Variants in ITGA9 observed in about 807,000 individuals in gnomAD.
ITGA9 encodes integrin alpha-9.
In ITGA9, 56 loss-of-function variants were observed where a neutral mutation model predicts 127.8. The observed-to-expected ratio is 0.44, with a 90% confidence interval of 0.35 to 0.55. ITGA9 has a LOEUF of 0.55. ITGA9 is among the 20% of genes least tolerant of loss of function. The pLI is 0.00. For synonymous variants in ITGA9, 508 were observed against 514.5 expected (o/e 0.99, Z 0.17); for missense variants, 1,196 against 1,347.1 (o/e 0.89, Z 1.76).
chr3:37,485,995 G>T (rs771469434), intron 4 of ITGA9, among the ~76,000 whole-genome samples: 1 of 152,194 alleles, frequency 6.6e-6, no homozygotes, highest in Non-Finnish European at 1.5e-5. Context: ...GTAAATTAAA[G>T]GGCAAGCACT....
At chr3:37,779,317 C>T (rs565057203) in intron 24 of ITGA9, among the ~76,000 whole-genome samples, 1 of 152,298 alleles carries the variant, frequency 6.6e-6, no homozygotes, top group Non-Finnish European at 1.5e-5. Flanking sequence ...GTTGGCCAAA[C>T]TGGTCTTGAA....
At chr3:37,643,623 A>G (rs1189046419) in intron 16 of ITGA9, among the ~76,000 whole-genome samples, 3 of 152,170 alleles carry the variant, frequency 2.0e-5, no homozygotes, top group Non-Finnish European at 2.9e-5. Context: ...ATCCTGTCCT[A>G]TTGAAAACCT....
At chr3:37,645,166 G>T (rs555620657) in intron 16 of ITGA9, among the ~76,000 whole-genome samples, 54 of 152,202 alleles carry the variant, frequency 3.5e-4, no homozygotes, top group Non-Finnish European at 6.2e-4. Flanking sequence ...GGAAACTTGT[G>T]TGGGGCTATA....
At chr3:37,791,468 G>A (rs1697108694) in intron 26 of ITGA9, among the ~76,000 whole-genome samples, 2 of 152,152 alleles carry the variant, frequency 1.3e-5, no homozygotes, top group Admixed American at 1.3e-4. Context: ...TGGAAGGCTG[G>A]AGAACCAGAC....
At chr3:37,637,719 C>T (rs1023782043) in intron 16 of ITGA9, among the ~76,000 whole-genome samples, 4 of 152,286 alleles carry the variant, frequency 2.6e-5, no homozygotes, top group South Asian at 4.1e-4. Context: ...GTCACACAGG[C>T]TGGAGTGCAG....
In ITGA9 at chr3:37,822,722, G is replaced by A. The variant is rs1289510618; in HGVS notation, c.*3733G>A. The A allele has an allele frequency of 1.3e-5, 2 of 152,342 alleles. No homozygotes were observed. The highest frequency in any genetic ancestry group is 3.4e-3 in the Middle Eastern group (1 of 294). 9.4% of individuals were successfully genotyped at this position (152,342 alleles called of 1,614,324 possible). On this transcript the variant is annotated 3_prime_UTR_variant, in exon 28 of 28. Transcript: ENST00000264741. ...GCGGAAGCATAGCAGATCCCCAGAC[G>A]ATCCGTGTGCTGTATGCTACCTGTT...
At chr3:37,681,931 G>T (rs150668769) in intron 17 of ITGA9, among the ~76,000 whole-genome samples, 4 of 151,944 alleles carry the variant, frequency 2.6e-5, no homozygotes, top group African/African-American at 9.7e-5. Flanking sequence ...AGGAATTCCC[G>T]CATGTTCCTA....
At chr3:37,725,816 G>A (rs542414221) in intron 18 of ITGA9, among the ~76,000 whole-genome samples, 14 of 152,354 alleles carry the variant, frequency 9.2e-5, no homozygotes, top group Non-Finnish European at 1.9e-4. Context: ...TACTGGTAAG[G>A]AACTGGAGGC....
intron 18 of ITGA9, 97 bp from the exon 19 acceptor site, chr3:37,732,615 G>C: frequency 1.1e-6 from 1 of 887,812 alleles, no homozygotes; most frequent in Non-Finnish European, 1.8e-6. Context: ...CCTACCGTCT[G>C]AGCACTGCTC....
At chr3:37,706,899 C>G (rs557124704) in intron 18 of ITGA9, among the ~76,000 whole-genome samples, 1 of 151,764 alleles carries the variant, frequency 6.6e-6, no homozygotes, top group East Asian at 1.9e-4. Flanking sequence ...TCCATAGGCT[C>G]AAAGAAAAGA....
intron 15 of ITGA9, among the ~76,000 whole-genome samples, chr3:37,594,879 C>T (rs1179827507): frequency 2.0e-5 from 3 of 152,170 alleles, no homozygotes; most frequent in Non-Finnish European, 4.4e-5. Context: ...CAGCCTCCAA[C>T]TCCTGGGCTC....
At chr3:37,679,829 A>G (rs1390400099) in intron 17 of ITGA9, among the ~76,000 whole-genome samples, 3 of 152,216 alleles carry the variant, frequency 2.0e-5, no homozygotes, top group Non-Finnish European at 4.4e-5. Context: ...GAGTTCAACG[A>G]TAAGCAAAGC....
chr3:37,471,229 T>A (rs1318535607), intron 2 of ITGA9, 95 bp downstream of exon 2: 2 of 1,381,976 alleles, frequency 1.4e-6, no homozygotes, highest in Non-Finnish European at 2.1e-6. Flanking sequence ...CACTCACCCA[T>A]CCATCCTTCC....
At chr3:37,637,969 G>A (rs372028537) in intron 16 of ITGA9, among the ~76,000 whole-genome samples, 1 of 152,128 alleles carries the variant, frequency 6.6e-6, no homozygotes, top group Non-Finnish European at 1.5e-5. Context: ...CACCGTGCCC[G>A]GCCAGCAATC....
intron 16 of ITGA9, among the ~76,000 whole-genome samples, chr3:37,650,871 A>G (rs1272976729): frequency 6.6e-6 from 1 of 152,094 alleles, no homozygotes; most frequent in Non-Finnish European, 1.5e-5. Context: ...GCAAGCTCCT[A>G]CCCCTGGCTA....
chr3:37,686,074 C>T (rs1700779419), intron 18 of ITGA9, among the ~76,000 whole-genome samples: 1 of 152,132 alleles, frequency 6.6e-6, no homozygotes, highest in African/African-American at 2.4e-5. Flanking sequence ...GAGATTAGTA[C>T]CAGTAAATGA....
chr3:37,620,010 A>T (rs1021744023), intron 15 of ITGA9, among the ~76,000 whole-genome samples: 1 of 152,144 alleles, frequency 6.6e-6, no homozygotes, highest in African/African-American at 2.4e-5. Flanking sequence ...AGGCCAATTC[A>T]CGCCATCCTT....
At chr3:37,558,673 C>A (rs983490381) in intron 15 of ITGA9, among the ~76,000 whole-genome samples, 5 of 152,182 alleles carry the variant, frequency 3.3e-5, no homozygotes, top group African/African-American at 1.2e-4. Flanking sequence ...GGGCCCGGGG[C>A]AGATGGAGAC....
chr3:37,597,218 C>T lies in ITGA9; in HGVS notation c.1690-31969C>T, dbSNP rs1489596526. On this transcript the variant is annotated intron_variant, in intron 15 of 27. Coordinates refer to ENST00000264741, the MANE Select transcript of ITGA9 (RefSeq NM_002207.3). The surrounding 1 kb of genome is among the most constrained non-coding windows in gnomAD (Gnocchi z 4.6). ...TCTGGAGATTAAAGCAATGGAAAGA[C>T]TTTTCATGATCTAAGAGTGATCCAA... Among the ~76,000 whole-genome samples, 1 of 152,190 alleles carries T rather than the reference C, an allele frequency of 6.6e-6. No individual in the cohort carries two copies. The highest frequency in any genetic ancestry group is 1.5e-5 in the Non-Finnish European group (1 of 68,036).
Sources: allele counts gnomAD v4.1 joint callset (sites outside exome capture counted in the v4.1 genomes callset), GRCh38; gene constraint gnomAD v4.1.1; non-coding constraint Gnocchi (gnomAD v3.1); transcripts MANE v1.5; gene names NCBI Gene and HGNC (gene_info 2026-07-23, HGNC 2026-07-21).